Variants in BBS9 observed in about 807,000 individuals in gnomAD.
BBS9 encodes Bardet-Biedl syndrome 9.
A neutral mutation model predicts 117.7 loss-of-function variants in BBS9; 89 were observed. The ratio of observed to expected loss-of-function variants is 0.76; its 90% CI spans 0.64 to 0.90. BBS9 has a LOEUF of 0.90. BBS9 is among the 40% of genes least tolerant of loss of function. The pLI is 0.00. For missense variants in BBS9, 982 were observed against 1,042.2 expected (o/e 0.94, Z 0.80); for synonymous variants, 379 against 370.9 (o/e 1.02, Z -0.25).
chr7:33,362,975 G>A (rs1239998238), intron 16 of BBS9, among the ~76,000 whole-genome samples: 1 of 151,922 alleles, frequency 6.6e-6, no homozygotes, highest in Non-Finnish European at 1.5e-5. Context: ...CTCTCTGTGA[G>A]GGTTGGTAGT....
chr7:33,345,519 G>A (rs1412221246), intron 12 of BBS9, among the ~76,000 whole-genome samples: 1 of 152,170 alleles, frequency 6.6e-6, no homozygotes, highest in Admixed American at 6.5e-5. Flanking sequence ...TGGCCCAAAT[G>A]TGGAGATCTT....
chr7:33,581,259 A>C (rs1859862567), intron 21 of BBS9, among the ~76,000 whole-genome samples: 2 of 152,188 alleles, frequency 1.3e-5, no homozygotes, highest in Admixed American at 1.3e-4. Context: ...TTTCTAGTAG[A>C]ATTAAATGAT....
intron 19 of BBS9, among the ~76,000 whole-genome samples, chr7:33,474,902 G>A (rs185730674): frequency 9.8e-4 from 149 of 152,274 alleles, no homozygotes; most frequent in African/African-American, 3.5e-3. Flanking sequence ...CTGAGATTGC[G>A]CCATTGCACT....
chr7:33,545,795 T>C (rs1190116703), intron 21 of BBS9, among the ~76,000 whole-genome samples: 1 of 152,166 alleles, frequency 6.6e-6, no homozygotes, highest in African/African-American at 2.4e-5. Context: ...TATATGTAAA[T>C]GTTTGTATAT....
intron 5 of BBS9, among the ~76,000 whole-genome samples, chr7:33,217,082 G>A (rs1321667716): frequency 1.3e-5 from 2 of 152,080 alleles, no homozygotes; most frequent in East Asian, 1.9e-4. Context: ...GTGACAGAGC[G>A]AGACTCCGTC....
chr7:33,302,047 C>T lies in BBS9; in HGVS notation c.1016+28091C>T, dbSNP rs555967317. Among the ~76,000 whole-genome samples, 8 of 152,268 alleles carry T rather than the reference C, an allele frequency of 5.3e-5. No homozygotes were observed. In the South Asian group the frequency reaches 8.3e-4, roughly 16 times the overall value. ...TGATCAGTGATGTTGAGCACCTTCT[C>T]ATATGCTTGTTTGCCATTTGTATGT... On this transcript the variant is annotated intron_variant, in intron 9 of 22. Transcript: ENST00000242067.
chr7:33,497,789 A>G (rs1287173890), intron 19 of BBS9, among the ~76,000 whole-genome samples: 1 of 152,198 alleles, frequency 6.6e-6, no homozygotes, highest in Non-Finnish European at 1.5e-5. Context: ...CACTGTTTTC[A>G]CTGAGTGACC....
intron 8 of BBS9, among the ~76,000 whole-genome samples, chr7:33,273,529 C>T (rs1800204962): frequency 6.6e-6 from 1 of 152,102 alleles, no homozygotes; most frequent in South Asian, 2.1e-4. Flanking sequence ...AATGAATTAT[C>T]TGTAGTGAAT....
chr7:33,575,728 C>T (rs1858712348), intron 21 of BBS9, among the ~76,000 whole-genome samples: 1 of 152,116 alleles, frequency 6.6e-6, no homozygotes, highest in Non-Finnish European at 1.5e-5. Flanking sequence ...CAGCTTCATC[C>T]CTGGGTTGCA....
intron 10 of BBS9, among the ~76,000 whole-genome samples, chr7:33,338,776 A>T (rs1176943251): frequency 6.6e-6 from 1 of 152,196 alleles, no homozygotes; most frequent in Non-Finnish European, 1.5e-5. Flanking sequence ...TGTTACCAGT[A>T]GTCAACAACA....
intron 19 of BBS9, among the ~76,000 whole-genome samples, chr7:33,492,413 G>A (rs927888561): frequency 1.3e-5 from 2 of 151,886 alleles, no homozygotes; most frequent in Non-Finnish European, 2.9e-5. Context: ...TAAAGACGTC[G>A]AGGACCTCCT....
At chr7:33,275,310 A>G (rs1468117418) in intron 9 of BBS9, among the ~76,000 whole-genome samples, 2 of 152,204 alleles carry the variant, frequency 1.3e-5, no homozygotes, top group African/African-American at 2.4e-5. Flanking sequence ...AAATAATTTA[A>G]AAGTTTTGAG....
intron 19 of BBS9, among the ~76,000 whole-genome samples, chr7:33,462,295 G>T (rs554253953): frequency 6.6e-6 from 1 of 152,090 alleles, no homozygotes; most frequent in East Asian, 1.9e-4. Flanking sequence ...ATTTGAAGTT[G>T]GTCAGGCTTT....
rs534721319 is a variant in BBS9, at chr7:33,262,929, A to AT, written c.618-1361_618-1360insT. On this transcript the variant is annotated intron_variant, in intron 6 of 22. Transcript: ENST00000242067. The stretch of plus-strand genomic sequence containing the variant: ...ACTACGTGCATACCTTCTGTTAATT[A>AT]GCACAGGATACTCTGAGTTATACTT... Among the ~76,000 whole-genome samples, 572 of 152,314 alleles carry AT rather than the reference A, an allele frequency of 3.8e-3. 1 individual carries two copies. Among genetic ancestry groups the AT allele is most frequent in the Non-Finnish European group, 6.5e-3 (444 of 68,030 alleles).
intron 19 of BBS9, among the ~76,000 whole-genome samples, chr7:33,446,049 G>T (rs181507877): frequency 6.6e-6 from 1 of 152,216 alleles, no homozygotes; most frequent in Admixed American, 6.5e-5. Flanking sequence ...ATGTATAATT[G>T]TATTATCATT....
chr7:33,544,756 C>T (rs944407822), intron 21 of BBS9, among the ~76,000 whole-genome samples: 1 of 152,098 alleles, frequency 6.6e-6, no homozygotes, highest in Non-Finnish European at 1.5e-5. Context: ...CTAGAACTCC[C>T]AAGATTATAT....
chr7:33,607,111 AT>A (rs1864616584), downstream of BBS9, among the ~76,000 whole-genome samples: 1 of 152,076 alleles, frequency 6.6e-6, no homozygotes, highest in Non-Finnish European at 1.5e-5. Flanking sequence ...TCCTGGTAGG[AT>A]AGATTTGCAA....
intron 4 of BBS9, among the ~76,000 whole-genome samples, chr7:33,159,953 G>A (rs749211528): frequency 5.9e-5 from 9 of 152,136 alleles, no homozygotes; most frequent in South Asian, 2.1e-4. Flanking sequence ...GAGTCTGTTC[G>A]TTTTAAATAA....
chr7:33,571,961 G>A (rs141163667), intron 21 of BBS9, among the ~76,000 whole-genome samples: 147 of 151,796 alleles, frequency 9.7e-4, no homozygotes, highest in African/African-American at 3.3e-3. Context: ...CACTCCTCTC[G>A]TTATTTTTAA....
Sources: allele counts gnomAD v4.1 joint callset (sites outside exome capture counted in the v4.1 genomes callset), GRCh38; gene constraint gnomAD v4.1.1; transcripts MANE v1.5; gene names NCBI Gene and HGNC (gene_info 2026-07-23, HGNC 2026-07-21).